CNTNAP2: variants seen among roughly 807,000 people sequenced by gnomAD.
CNTNAP2 encodes contactin associated protein 2.
Under a neutral mutation model 155.2 loss-of-function variants are expected in CNTNAP2, and 98 were observed. That is an observed-to-expected ratio of 0.63 (90% CI 0.54 to 0.75). The LOEUF is 0.75. Ranked by LOEUF, CNTNAP2 falls within the 30% of genes least tolerant of loss-of-function variation. The pLI, the probability that CNTNAP2 is intolerant of heterozygous loss-of-function variation, is 0.00. For synonymous variants in CNTNAP2, 651 were observed against 631.2 expected, an observed-to-expected ratio of 1.03 and a Z score of -0.47; for missense variants, 1,727 against 1,688.1, an observed-to-expected ratio of 1.02 and a Z score of -0.40.
chr7:146,523,823 T>C (rs1050689719), intron 1 of CNTNAP2, among the ~76,000 whole-genome samples: 3 of 152,184 alleles, frequency 2.0e-5, no homozygotes, highest in African/African-American at 7.2e-5. Flanking sequence ...TTAATTTGAG[T>C]TATTATCCAG....
chr7:147,150,720 C>A (rs1801808872), intron 8 of CNTNAP2, among the ~76,000 whole-genome samples: 1 of 152,060 alleles, frequency 6.6e-6, no homozygotes, highest in South Asian at 2.1e-4. Flanking sequence ...CTTGTTCAAC[C>A]CCTTCCTCCC....
chr7:146,533,412 C>T (rs1238629600), intron 1 of CNTNAP2, among the ~76,000 whole-genome samples: 1 of 152,052 alleles, frequency 6.6e-6, no homozygotes. Context: ...GGGAAAAACA[C>T]TGGAAATATA....
rs188979336 is a variant in CNTNAP2, at chr7:146,935,825, C to G, written c.402+95921C>G. ...TTAATCAAGCGAGTAAACTCTTTAT[C>G]TAGCTCATTCTTTGATCTATTTGAT... On this transcript the variant is annotated intron_variant, in intron 3 of 23. Coordinates refer to ENST00000361727, the MANE Select transcript of CNTNAP2 (RefSeq NM_014141.6). Among the ~76,000 whole-genome samples the G allele has an allele frequency of 9.2e-5, 14 of 152,228 alleles. 1 individual carries two copies. The highest frequency in any genetic ancestry group is 2.4e-4 in the African/African-American group (10 of 41,538).
intron 20 of CNTNAP2, among the ~76,000 whole-genome samples, chr7:148,233,761 T>G (rs1796002358): frequency 6.6e-6 from 1 of 152,234 alleles, no homozygotes; most frequent in Non-Finnish European, 1.5e-5. Flanking sequence ...CCATCTGATG[T>G]GTTTTGGAAT....
intron 3 of CNTNAP2, among the ~76,000 whole-genome samples, chr7:146,982,257 T>C (rs1196621860): frequency 2.6e-5 from 4 of 152,150 alleles, no homozygotes; most frequent in Non-Finnish European, 5.9e-5. Context: ...TTAATTATTA[T>C]ATTCTACATA....
At chr7:148,046,450 G>T (rs1353243083) in intron 15 of CNTNAP2, among the ~76,000 whole-genome samples, 1 of 152,088 alleles carries the variant, frequency 6.6e-6, no homozygotes, top group South Asian at 2.1e-4. Flanking sequence ...ATTCACATGG[G>T]TGTAATTTTT....
chr7:146,663,277 C>CAAAAAAAAAAAAAAAAAA (rs543257224), intron 1 of CNTNAP2, among the ~76,000 whole-genome samples: 5 of 33,182 alleles, frequency 1.5e-4, no homozygotes, highest in East Asian at 6.9e-4. Flanking sequence ...AACTCCATCT[C>CAAAAAAAAAAAAAAAAAA]AAAAAAAAAA....
rs538552356 is a variant in CNTNAP2 at position 146,812,681 on chromosome 7, C to T, written c.209-27030C>T. On this transcript the variant is annotated intron_variant, in intron 2 of 23. Coordinates refer to ENST00000361727, the MANE Select transcript of CNTNAP2 (RefSeq NM_014141.6). Reference sequence around the variant, plus strand: ...TCCAGGGAGAAATTCAGGCTCACTACAGAAATTTGCATAAGTAACATGGAG... The same window carrying T: ...TCCAGGGAGAAATTCAGGCTCACTATAGAAATTTGCATAAGTAACATGGAG... Among the ~76,000 whole-genome samples, 42 of 152,154 alleles carry T rather than the reference C, an allele frequency of 2.8e-4. No individual in the cohort carries two copies. The South Asian group carries it at 7.9e-3, about 29-fold the overall frequency.
chr7:147,751,773 A>G (rs1426461745), intron 13 of CNTNAP2, among the ~76,000 whole-genome samples: 1 of 152,210 alleles, frequency 6.6e-6, no homozygotes, highest in African/African-American at 2.4e-5. Context: ...TTCTCATTTT[A>G]CTACAAAAAT....
chr7:146,442,520 C>CT (rs1796334931), intron 1 of CNTNAP2, among the ~76,000 whole-genome samples: 1 of 151,908 alleles, frequency 6.6e-6, no homozygotes, highest in African/African-American at 2.4e-5. Context: ...TCTTACAGGT[C>CT]TTTTTACCTC....
At chr7:147,266,733 T>C (rs1441195233) in intron 8 of CNTNAP2, among the ~76,000 whole-genome samples, 1 of 152,228 alleles carries the variant, frequency 6.6e-6, no homozygotes, top group East Asian at 1.9e-4. Flanking sequence ...GGAGTAGTTA[T>C]AACCAGTTGT....
chr7:147,536,886 C>G (rs1265878822), intron 11 of CNTNAP2, among the ~76,000 whole-genome samples: 2 of 152,152 alleles, frequency 1.3e-5, no homozygotes, highest in Admixed American at 6.6e-5. Context: ...GCCGTAAAGC[C>G]TCCCCTCTCA....
Position 146,287,735 on chromosome 7 carries a change from A to T in CNTNAP2, c.97+170762A>T, listed in dbSNP as rs558945173. On this transcript the variant is annotated intron_variant, in intron 1 of 23. Transcript: ENST00000361727. The stretch of plus-strand genomic sequence containing the variant: ...TAGAGTTGATATGACAAGATTCTCA[A>T]ACTAAGTAATTTTCAAGTTTACTAG... 5.9e-4 allele frequency among the ~76,000 whole-genome samples: 90 copies of T among 152,316 alleles called. 1 individual carries two copies. The highest frequency in any genetic ancestry group is 1.1e-3 in the Non-Finnish European group (74 of 68,028).
intron 3 of CNTNAP2, among the ~76,000 whole-genome samples, chr7:146,883,505 G>T (rs1248832538): frequency 6.6e-6 from 1 of 152,042 alleles, no homozygotes; most frequent in Non-Finnish European, 1.5e-5. Context: ...ATTTTCATTG[G>T]AATATTCTCA....
chr7:147,859,289 T>C (rs2116682301), intron 13 of CNTNAP2, among the ~76,000 whole-genome samples: 1 of 152,236 alleles, frequency 6.6e-6, no homozygotes, highest in South Asian at 2.1e-4. Flanking sequence ...TCTAGTCATC[T>C]GTTATGTTAC....
intron 3 of CNTNAP2, among the ~76,000 whole-genome samples, chr7:146,910,635 A>G (rs1281662998): frequency 6.6e-6 from 1 of 150,664 alleles, no homozygotes; most frequent in East Asian, 1.9e-4. Context: ...CCTTCCTTAC[A>G]CCTTATACAA....
chr7:148,331,881 C>G (rs115079683), intron 21 of CNTNAP2, among the ~76,000 whole-genome samples: 1 of 147,704 alleles, frequency 6.8e-6, no homozygotes, highest in Non-Finnish European at 1.5e-5. Flanking sequence ...CACATGATCA[C>G]GTTCGGTAAG....
At chr7:147,937,303 T>C (rs1800629030) in intron 14 of CNTNAP2, among the ~76,000 whole-genome samples, 1 of 152,164 alleles carries the variant, frequency 6.6e-6, no homozygotes, top group Non-Finnish European at 1.5e-5. Flanking sequence ...CACAAAGATC[T>C]TTAAATTGCC....
chr7:148,010,600 T>C (rs191572319), intron 15 of CNTNAP2, among the ~76,000 whole-genome samples: 3 of 151,944 alleles, frequency 2.0e-5, no homozygotes, highest in Admixed American at 1.3e-4. Flanking sequence ...TTTTCCATCA[T>C]CAAACATGGG....
Sources: gnomAD v4.1 joint callset for allele counts (sites outside exome capture counted in the v4.1 genomes callset) on GRCh38, gnomAD v4.1.1 for gene constraint, MANE v1.5 for transcripts, NCBI Gene and HGNC (gene_info 2026-07-23, HGNC 2026-07-21) for gene names.